Variants in IL1RAPL1 observed in about 807,000 individuals in gnomAD.
The protein encoded by IL1RAPL1 is interleukin-1 receptor accessory protein-like 1.
A neutral mutation model predicts 48.4 loss-of-function variants in IL1RAPL1; 3 were observed. The ratio of observed to expected loss-of-function variants is 0.06; its 90% CI spans 0.03 to 0.16. The LOEUF is 0.16. IL1RAPL1 is among the 10% of genes least tolerant of loss of function. The probability of loss-of-function intolerance (pLI) is 1.00; values close to 1 mark genes in which losing one functional copy is unlikely to be tolerated. For missense variants in IL1RAPL1, 349 were observed against 530.6 expected, an observed-to-expected ratio of 0.66 and a Z score of 3.36; for synonymous variants, 185 against 187.7, an observed-to-expected ratio of 0.99 and a Z score of 0.12.
chrX:28,940,719 T>C (rs1924143895), intron 2 of IL1RAPL1, among the ~76,000 whole-genome samples: 1 of 110,984 alleles, frequency 9.0e-6, no homozygotes, highest in Non-Finnish European at 1.9e-5. Flanking sequence ...TCTCCACCAA[T>C]CACATTTTAT....
At chrX:29,324,934 C>G (rs1932833833) in intron 3 of IL1RAPL1, among the ~76,000 whole-genome samples, 1 of 111,842 alleles carries the variant, frequency 8.9e-6, no homozygotes, top group African/African-American at 3.3e-5. Context: ...TACATTAAAA[C>G]ATTTCAATAG....
At chrX:29,654,041 G>T (rs1925600797) in intron 5 of IL1RAPL1, among the ~76,000 whole-genome samples, 1 of 109,317 alleles carries the variant, frequency 9.1e-6, no homozygotes, top group Admixed American at 9.9e-5. Flanking sequence ...GGAAATGGTG[G>T]ATTGAGGGAG....
At chrX:29,774,247 G>C (rs768397288) in intron 6 of IL1RAPL1, among the ~76,000 whole-genome samples, 2 of 107,963 alleles carry the variant, frequency 1.9e-5, no homozygotes, top group African/African-American at 3.4e-5. Flanking sequence ...ATCCCAGAAA[G>C]AAGTGTACTT....
chrX:28,813,746 C>T (rs1936822305), intron 2 of IL1RAPL1, among the ~76,000 whole-genome samples: 1 of 110,700 alleles, frequency 9.0e-6, no homozygotes, highest in South Asian at 3.8e-4. Context: ...GTAATGTCTT[C>T]TTGGGAAATT....
chrX:29,680,935 A>G (rs1315715963), intron 6 of IL1RAPL1, among the ~76,000 whole-genome samples: 1 of 111,895 alleles, frequency 8.9e-6, no homozygotes, highest in African/African-American at 3.2e-5. Context: ...ACCTAAACCA[A>G]ATGGCAGATT....
At chrX:28,820,888 C>T (rs957909754) in intron 2 of IL1RAPL1, among the ~76,000 whole-genome samples, 1 of 110,747 alleles carries the variant, frequency 9.0e-6, no homozygotes, top group African/African-American at 3.3e-5. Context: ...ACAAATGCTT[C>T]GAGTTGGCTG....
chrX:29,253,864 G>C (rs1931708566), intron 2 of IL1RAPL1, among the ~76,000 whole-genome samples: 1 of 111,303 alleles, frequency 9.0e-6, no homozygotes, highest in South Asian at 3.7e-4. Context: ...AAATGCCTTA[G>C]GGGACCTGAA....
intron 5 of IL1RAPL1, among the ~76,000 whole-genome samples, chrX:29,612,036 G>T (rs955124079): frequency 1.8e-5 from 2 of 111,047 alleles, no homozygotes; most frequent in African/African-American, 6.6e-5. Context: ...TACAGGATAG[G>T]GGGGCATAGT....
chrX:29,200,073 A>G (rs1171729344), intron 2 of IL1RAPL1, among the ~76,000 whole-genome samples: 1 of 111,529 alleles, frequency 9.0e-6, no homozygotes, highest in Non-Finnish European at 1.9e-5. Flanking sequence ...TTATAAGGCT[A>G]TGTATTAAAT....
intron 6 of IL1RAPL1, among the ~76,000 whole-genome samples, chrX:29,771,494 T>C (rs1756672307): frequency 1.8e-5 from 2 of 112,112 alleles, no homozygotes; most frequent in Admixed American, 1.9e-4. Context: ...AAAAATAAAA[T>C]GAATGTCTCA....
chrX:29,793,143 A>G (rs1362235376), intron 6 of IL1RAPL1, among the ~76,000 whole-genome samples: 1 of 112,442 alleles, frequency 8.9e-6, no homozygotes, highest in Non-Finnish European at 1.9e-5. Context: ...ACAGTGTTTC[A>G]TTCCACATCT....
chrX:29,513,569 T>C (rs922982624), intron 5 of IL1RAPL1, among the ~76,000 whole-genome samples: 19 of 111,954 alleles, frequency 1.7e-4, no homozygotes, highest in African/African-American at 5.5e-4. Context: ...ATTTGTTACA[T>C]AGGCATTCAA....
intron 5 of IL1RAPL1, among the ~76,000 whole-genome samples, chrX:29,616,285 C>T (rs1924281644): frequency 9.2e-6 from 1 of 109,050 alleles, no homozygotes; most frequent in African/African-American, 3.4e-5. Context: ...TGGAGGAAAA[C>T]AGTATGAATG....
At chrX:28,762,390 A>G (rs1431994149) in intron 1 of IL1RAPL1, among the ~76,000 whole-genome samples, 1 of 111,783 alleles carries the variant, frequency 8.9e-6, no homozygotes, top group Non-Finnish European at 1.9e-5. Context: ...TATGACACGC[A>G]TACATCCACA....
In IL1RAPL1 at chrX:29,518,481, A is replaced by G. The variant is rs753167966; in HGVS notation, c.703+119173A>G. Among the ~76,000 whole-genome samples, 14 of 110,997 alleles carry G rather than the reference A, an allele frequency of 1.3e-4. No individual in the cohort carries two copies. In the East Asian group the frequency reaches 4.0e-3, roughly 32 times the overall value. ...GGAGAGTGGGAGAGAAACTGGCTGCACTTTAAAATATGATGATTAGGGTGT... is the reference window on the plus strand; with the variant it reads ...GGAGAGTGGGAGAGAAACTGGCTGCGCTTTAAAATATGATGATTAGGGTGT... On this transcript the variant is annotated intron_variant, in intron 5 of 10. Coordinates refer to ENST00000378993, the MANE Select transcript of IL1RAPL1 (RefSeq NM_014271.4).
intron 5 of IL1RAPL1, among the ~76,000 whole-genome samples, chrX:29,596,358 A>C (rs1167596884): frequency 2.7e-5 from 3 of 112,302 alleles, no homozygotes; most frequent in African/African-American, 6.5e-5. Flanking sequence ...CTACTCATCC[A>C]TGAGCATAGT....
intron 6 of IL1RAPL1, among the ~76,000 whole-genome samples, chrX:29,794,504 T>G (rs772894492): frequency 8.9e-6 from 1 of 112,087 alleles, no homozygotes; most frequent in South Asian, 3.7e-4. Context: ...TATGCTAAAA[T>G]TAAAGCAAGC....
At chrX:28,877,465 A>G (rs1221284273) in intron 2 of IL1RAPL1, among the ~76,000 whole-genome samples, 1 of 112,057 alleles carries the variant, frequency 8.9e-6, no homozygotes, top group Non-Finnish European at 1.9e-5. Context: ...GTCAGTGAGT[A>G]GGGAATACAT....
intron 2 of IL1RAPL1, among the ~76,000 whole-genome samples, chrX:28,801,525 G>A (rs776242460): frequency 9.9e-5 from 11 of 111,443 alleles, no homozygotes; most frequent in African/African-American, 2.3e-4. Context: ...GTTAAGTATC[G>A]TAAGTTCCAG....
Sources: gnomAD v4.1 joint callset for allele counts (sites outside exome capture counted in the v4.1 genomes callset) on GRCh38, gnomAD v4.1.1 for gene constraint, MANE v1.5 for transcripts, NCBI Gene and HGNC (gene_info 2026-07-23, HGNC 2026-07-21) for gene names.